The following FLRT2 variants were observed in gnomAD, a reference collection of about 807,000 sequenced individuals.
FLRT2 encodes the protein leucine-rich repeat transmembrane protein FLRT2.
A neutral mutation model predicts 40.0 loss-of-function variants in FLRT2; 15 were observed. The observed-to-expected ratio is 0.38, with a 90% CI of 0.25 to 0.58. FLRT2 has a LOEUF of 0.58. Among genes scored for constraint, FLRT2 ranks in the 20% least tolerant of loss-of-function variants. The pLI, the probability that FLRT2 is intolerant of heterozygous loss-of-function variation, is 0.71. For missense variants in FLRT2, 726 were observed against 840.0 expected (o/e 0.86, Z 1.68); for synonymous variants, 380 against 336.8 (o/e 1.13, Z -1.41).
chr14:85,638,953 A>C lies in FLRT2; in HGVS notation c.*15456A>C, dbSNP rs1398702408. ...AAGTTAGCTAATAATCAATTCTTTG[A>C]ACGAAGCCCAGTGAAACCAAGTTTA... On this transcript the variant is annotated 3_prime_UTR_variant, in exon 2 of 2. Transcript: ENST00000330753. 2 of 152,270 alleles carry C rather than the reference A, an allele frequency of 1.3e-5. No individual in the cohort carries two copies. Among genetic ancestry groups the C allele is most frequent in the Non-Finnish European group, 2.9e-5 (2 of 68,052 alleles). The allele number at this position is 152,270 out of a possible 1,614,324, so 9.4% of individuals were successfully genotyped here.
intron 1 of FLRT2, among the ~76,000 whole-genome samples, chr14:85,571,595 G>A (rs1054544404): frequency 6.6e-6 from 1 of 152,128 alleles, no homozygotes; most frequent in Non-Finnish European, 1.5e-5. Context: ...ATATTTCCTC[G>A]ATGTGCTTAC....
chr14:85,535,879 T>C (rs1479030471), intron 1 of FLRT2, among the ~76,000 whole-genome samples: 2 of 142,180 alleles, frequency 1.4e-5, no homozygotes, highest in East Asian at 4.4e-4. Context: ...AAACCTAGCA[T>C]GGAAGGAATG....
chr14:85,558,903 C>G (rs571313404), intron 1 of FLRT2, among the ~76,000 whole-genome samples: 24 of 152,304 alleles, frequency 1.6e-4, no homozygotes, highest in African/African-American at 5.8e-4. Flanking sequence ...AATAAAGGAA[C>G]TAGTTATTTG....
At chr14:85,610,497 A>G (rs1055031898) in intron 1 of FLRT2, among the ~76,000 whole-genome samples, 1 of 152,234 alleles carries the variant, frequency 6.6e-6, no homozygotes, top group African/African-American at 2.4e-5. Flanking sequence ...ATGGATTACC[A>G]AAGCCATAAA....
chr14:85,531,629 C>T (rs1385230655), intron 1 of FLRT2, among the ~76,000 whole-genome samples: 1 of 152,130 alleles, frequency 6.6e-6, no homozygotes, highest in Non-Finnish European at 1.5e-5. Flanking sequence ...GCTGAGGCCA[C>T]CGCTACTGTC....
intron 1 of FLRT2, among the ~76,000 whole-genome samples, chr14:85,576,034 C>CT (rs1270807384): frequency 6.6e-6 from 1 of 152,160 alleles, no homozygotes; most frequent in Non-Finnish European, 1.5e-5. Flanking sequence ...ACTTATTGCA[C>CT]TAACTCGTTA....
intron 1 of FLRT2, among the ~76,000 whole-genome samples, chr14:85,605,335 A>C (rs1892557572): frequency 6.6e-6 from 1 of 152,196 alleles, no homozygotes; most frequent in Admixed American, 6.5e-5. Flanking sequence ...GTTTTGCCTC[A>C]AAAAGTCATA....
intron 1 of FLRT2, among the ~76,000 whole-genome samples, chr14:85,567,981 C>A (rs1035178705): frequency 6.6e-6 from 1 of 152,006 alleles, no homozygotes; most frequent in Non-Finnish European, 1.5e-5. Context: ...ATGTTAACTT[C>A]CCCTAGAAAC....
At chr14:85,577,507 T>C (rs1891167365) in intron 1 of FLRT2, among the ~76,000 whole-genome samples, 1 of 152,198 alleles carries the variant, frequency 6.6e-6, no homozygotes, top group African/African-American at 2.4e-5. Context: ...GACTCTGTTT[T>C]CTAGGCAGTC....
intron 1 of FLRT2, among the ~76,000 whole-genome samples, chr14:85,570,836 C>T (rs544885122): frequency 2.2e-4 from 33 of 151,986 alleles, no homozygotes; most frequent in East Asian, 1.8e-3. Context: ...CCGCCCGCCT[C>T]GGCCTCCCAA....
chr14:85,607,280 C>T (rs577225791), intron 1 of FLRT2, among the ~76,000 whole-genome samples: 7 of 151,984 alleles, frequency 4.6e-5, no homozygotes, highest in Non-Finnish European at 7.4e-5. Flanking sequence ...GTTTTCCTGC[C>T]GAGATGGAAG....
Position 85,623,511 on chromosome 14 carries a change from A to G in FLRT2, c.*14A>G. The stretch of plus-strand genomic sequence containing the variant: ...TGCCATACGTGACAGCCAGAGGCCC[A>G]GCGTTATCAAGGCGGACAATTAGAC... On this transcript the variant is annotated 3_prime_UTR_variant, in exon 2 of 2. Coordinates refer to ENST00000330753, the MANE Select transcript of FLRT2 (RefSeq NM_013231.6). The G allele has an allele frequency of 7.0e-7, 1 of 1,421,274 alleles. No individual in the cohort carries two copies. Among genetic ancestry groups the G allele is most frequent in the Non-Finnish European group, 9.2e-7 (1 of 1,085,462 alleles). 88.0% of individuals were successfully genotyped at this position (1,421,274 alleles called of 1,614,324 possible).
At chr14:85,549,829 G>A in intron 1 of FLRT2, among the ~76,000 whole-genome samples, 1 of 83,690 alleles carries the variant, frequency 1.2e-5, no homozygotes, top group African/African-American at 4.7e-5. Context: ...TTTTTTTTTT[G>A]GCCTGCATAG....
intron 1 of FLRT2, among the ~76,000 whole-genome samples, chr14:85,596,405 G>C (rs1309423581): frequency 6.6e-6 from 1 of 152,200 alleles, no homozygotes; most frequent in Non-Finnish European, 1.5e-5. Context: ...TTTCTGAGGA[G>C]CTCCAGCACA....
chr14:85,551,303 A>T (rs1204916694), intron 1 of FLRT2, among the ~76,000 whole-genome samples: 1 of 152,166 alleles, frequency 6.6e-6, no homozygotes, highest in East Asian at 1.9e-4. Flanking sequence ...ATGTGGGACC[A>T]TTTGATCATA....
chr14:85,587,388 C>T (rs541180754), intron 1 of FLRT2, among the ~76,000 whole-genome samples: 6 of 151,996 alleles, frequency 3.9e-5, no homozygotes, highest in East Asian at 1.9e-4. Context: ...AGAATTCCTA[C>T]GCAAAAGCTA....
rs140637264 is a variant in FLRT2, at chr14:85,544,366, A to T, written c.-377+13832A>T. ...ATCGGTTACGTAGATGTTCACACAG[A>T]TGTGGTTTTCCACAGAATGAGAAAT... is the stretch of plus-strand genomic sequence containing the variant. On this transcript the variant is annotated intron_variant, in intron 1 of 1. Transcript: ENST00000330753. Among the ~76,000 whole-genome samples the T allele has an allele frequency of 2.3e-3, 349 of 152,356 alleles. 3 individuals are homozygous for T. The highest frequency in any genetic ancestry group is 7.8e-3 in the African/African-American group (323 of 41,578).
At chr14:85,606,574 G>C (rs1246611428) in intron 1 of FLRT2, among the ~76,000 whole-genome samples, 1 of 145,348 alleles carries the variant, frequency 6.9e-6, no homozygotes, top group East Asian at 2.0e-4. Context: ...TGCCAGACTG[G>C]AGTGCGGTGG....
Position 85,623,155 on chromosome 14 carries a change from C to T in FLRT2, c.1641C>T (p.Ile547=), listed in dbSNP as rs199929862. 17 of 1,585,514 alleles carry T rather than the reference C, an allele frequency of 1.1e-5. No homozygotes were observed. The highest frequency in any genetic ancestry group is 2.7e-5 in the African/African-American group (2 of 74,132). The stretch of plus-strand genomic sequence containing the variant: ...CCCCCTTTCTGCTGGCGGGCTTGAT[C>T]GGGGGCGCGGTGATATTTGTGCTGG... ...MGSPFLLAGL[I]GGAVIFVLVV... The change falls in exon 2 of 2, where the codon ATC becomes ATT. Residue 547 remains isoleucine (I), a synonymous_variant. Coordinates refer to ENST00000330753, the MANE Select transcript of FLRT2 (RefSeq NM_013231.6).
Sources: gnomAD v4.1 joint callset for allele counts (sites outside exome capture counted in the v4.1 genomes callset) on GRCh38, gnomAD v4.1.1 for gene constraint, MANE v1.5 for transcripts, NCBI Gene and HGNC (gene_info 2026-07-23, HGNC 2026-07-21) for gene names.